UGT1A9: variants seen among roughly 807,000 people sequenced by gnomAD.
The protein encoded by UGT1A9 is UDP glucuronosyltransferase family 1 member A9.
Under a neutral mutation model 45.0 loss-of-function variants are expected in UGT1A9, and 35 were observed. The observed-to-expected ratio is 0.78, with a 90% CI of 0.59 to 1.03. The LOEUF is 1.03. Among genes scored for constraint, UGT1A9 ranks in the 50% least tolerant of loss-of-function variants. The pLI, the probability that UGT1A9 is intolerant of heterozygous loss-of-function variation, is 0.00. For missense variants in UGT1A9, 687 were observed against 666.6 expected, an observed-to-expected ratio of 1.03 and a Z score of -0.34; for synonymous variants, 278 against 250.6, an observed-to-expected ratio of 1.11 and a Z score of -1.03.
chr2:233,716,287 C>T (rs1299471224), intron 1 of UGT1A9, among the ~76,000 whole-genome samples: 1 of 152,202 alleles, frequency 6.6e-6, no homozygotes, highest in African/African-American at 2.4e-5. Context: ...TTAATATAAT[C>T]ACATCTATAA....
chr2:233,692,672 T>C (rs1295423428), intron 1 of UGT1A9, among the ~76,000 whole-genome samples: 1 of 152,104 alleles, frequency 6.6e-6, no homozygotes, highest in Non-Finnish European at 1.5e-5. Flanking sequence ...GGATAGAGAA[T>C]TGGCAGGGGG....
Position 233,682,697 on chromosome 2 carries a change from C to T in UGT1A9, c.855+9908C>T, listed in dbSNP as rs201879946. The T allele has an allele frequency of 6.1e-5, 99 of 1,613,832 alleles. No individual in the cohort carries two copies. The highest frequency in any genetic ancestry group is 1.7e-4 in the Middle Eastern group (1 of 6,054). On this transcript the variant is annotated intron_variant, in intron 1 of 4. Coordinates refer to ENST00000354728, the MANE Select transcript of UGT1A9 (RefSeq NM_021027.3). ...CAGCCACACATCAATTTGGTTGTTG[C>T]GAACTGACTTTGTTTTGGAGTATCC...
At chr2:233,683,676 C>A (rs45486299) in intron 1 of UGT1A9, among the ~76,000 whole-genome samples, 1 of 152,170 alleles carries the variant, frequency 6.6e-6, no homozygotes, top group Admixed American at 6.5e-5. Context: ...TCTTATTAAC[C>A]TTTATTCCTC....
At chr2:233,676,692 G>A (rs1472017831) in intron 1 of UGT1A9, among the ~76,000 whole-genome samples, 1 of 152,146 alleles carries the variant, frequency 6.6e-6, no homozygotes, top group Non-Finnish European at 1.5e-5. Context: ...GTGTCCTGTA[G>A]AATGTTCCTC....
chr2:233,765,207 A>G (rs1013371126), intron 1 of UGT1A9, among the ~76,000 whole-genome samples: 18 of 152,214 alleles, frequency 1.2e-4, no homozygotes, highest in Non-Finnish European at 1.5e-5. Context: ...TAGTGCCCTC[A>G]GTATTCTTTG....
At chr2:233,724,619 C>A (rs2077290333) in intron 1 of UGT1A9, among the ~76,000 whole-genome samples, 1 of 138,420 alleles carries the variant, frequency 7.2e-6, no homozygotes, top group East Asian at 2.3e-4. Flanking sequence ...GGCAGAGACG[C>A]TCCTCACTTC....
chr2:233,768,023 G>A, intron 3 of UGT1A9, 87 bp downstream of exon 3: 1 of 1,613,460 alleles, frequency 6.2e-7, no homozygotes, highest in Non-Finnish European at 8.5e-7. Flanking sequence ...GGATTGTTGA[G>A]CTTGAAAATA....
chr2:233,691,345 A>G (rs2075039049), intron 1 of UGT1A9: 1 of 985,414 alleles, frequency 1.0e-6, no homozygotes, highest in Non-Finnish European at 1.2e-6. Context: ...GAGTCTTCGC[A>G]TGCCTTGAAC....
At chr2:233,743,391 G>C in intron 1 of UGT1A9, 1 of 1,255,182 alleles carries the variant, frequency 8.0e-7, no homozygotes, top group Non-Finnish European at 1.1e-6. Context: ...AGGACATGCA[G>C]AAGGAAGAAA....
chr2:233,756,049 A>G (rs1408892544), intron 1 of UGT1A9: 1 of 152,200 alleles, frequency 6.6e-6, no homozygotes, highest in Admixed American at 6.5e-5. Flanking sequence ...GGAAAACTCC[A>G]CTGTACACTT....
At chr2:233,744,781 G>A (rs1479146007) in intron 1 of UGT1A9, among the ~76,000 whole-genome samples, 1 of 151,856 alleles carries the variant, frequency 6.6e-6, no homozygotes, top group Non-Finnish European at 1.5e-5. Context: ...AAATTCTCCT[G>A]AAAAATTCTT....
intron 1 of UGT1A9, among the ~76,000 whole-genome samples, chr2:233,724,562 G>T (rs1169483427): frequency 1.1e-4 from 14 of 128,924 alleles, no homozygotes; most frequent in Non-Finnish European, 2.0e-4. Flanking sequence ...TCCCAGATGG[G>T]GCGGCGGGGC....
At chr2:233,713,021 G>C (rs201536382) in intron 1 of UGT1A9, 1 of 1,613,716 alleles carries the variant, frequency 6.2e-7, no homozygotes, top group Non-Finnish European at 8.5e-7. Flanking sequence ...TTCCCCTGCC[G>C]CAGCTGGCCA....
rs267599273 is a variant in UGT1A9, at chr2:233,767,927, G to A, written c.1066G>A (p.Asp356Asn). ...TILVKWLPQN[D>N]LLGHPMTRAF... ...ACTTGTTAAGTGGCTACCCCAAAACGATCTGCTTGGTATGTTGGGCGGATT... is the reference window on the plus strand; with the variant it reads ...ACTTGTTAAGTGGCTACCCCAAAACAATCTGCTTGGTATGTTGGGCGGATT... The change falls in exon 3 of 5, where the codon GAT becomes AAT. Residue 356 changes from aspartate to asparagine, a missense_variant. By Grantham distance (23) the Asp-to-Asn change is conservative (BLOSUM62 1). Coordinates refer to ENST00000354728, the MANE Select transcript of UGT1A9 (RefSeq NM_021027.3). 45 of 1,614,054 alleles carry A rather than the reference G, an allele frequency of 2.8e-5. 1 individual carries two copies. The highest frequency in any genetic ancestry group is 2.2e-4 in the South Asian group (20 of 91,078).
At chr2:233,732,404 T>C (rs956543939) in intron 1 of UGT1A9, among the ~76,000 whole-genome samples, 10 of 152,268 alleles carry the variant, frequency 6.6e-5, no homozygotes, top group African/African-American at 2.2e-4. Flanking sequence ...GCCTAAATGA[T>C]ATTGCCTAGG....
At chr2:233,707,169 T>A (rs1186198629) in intron 1 of UGT1A9, among the ~76,000 whole-genome samples, 1 of 152,126 alleles carries the variant, frequency 6.6e-6, no homozygotes, top group East Asian at 1.9e-4. Flanking sequence ...CACCCAGACA[T>A]CCATCCTGGG....
chr2:233,679,120 A>AAG (rs1391260273), intron 1 of UGT1A9, among the ~76,000 whole-genome samples: 2 of 152,130 alleles, frequency 1.3e-5, no homozygotes, highest in African/African-American at 2.4e-5. Flanking sequence ...AAATTTCCTT[A>AAG]AGACACCTGA....
At chr2:233,772,194 T>C (rs921300076) in intron 4 of UGT1A9, 68 bp from the exon 5 acceptor site, 7 of 1,602,000 alleles carry the variant, frequency 4.4e-6, no homozygotes, top group Non-Finnish European at 6.0e-6. Context: ...TAAGCAGCCA[T>C]GAGCATAAAG....
In UGT1A9 at chr2:233,740,888, C is replaced by A. The variant is rs557749460; in HGVS notation, c.856-26146C>A. On this transcript the variant is annotated intron_variant, in intron 1 of 4. Coordinates refer to ENST00000354728, the MANE Select transcript of UGT1A9 (RefSeq NM_021027.3). ...TTTAAATAAAATGCTCTTGCAGGGA[C>A]AACATAGTAGGTCAACATTGTTCCC... The A allele has an allele frequency of 9.3e-5, 14 of 150,988 alleles. No individual in the cohort carries two copies. In the East Asian group the frequency reaches 9.7e-4, roughly 10 times the overall value. The allele number at this position is 150,988 out of a possible 1,614,324, so 9.4% of individuals were successfully genotyped here. A position where few individuals can be genotyped will look rare whatever the true frequency, so the allele number is the denominator to read the frequency against.
Sources: allele counts gnomAD v4.1 joint callset (sites outside exome capture counted in the v4.1 genomes callset), GRCh38; gene constraint gnomAD v4.1.1; transcripts MANE v1.5; gene names NCBI Gene and HGNC (gene_info 2026-07-23, HGNC 2026-07-21).